STAC: variants seen among roughly 807,000 people sequenced by gnomAD.
STAC encodes SH3 and cysteine rich domain.
In STAC, 43 loss-of-function variants were observed where a neutral mutation model predicts 48.8. The observed-to-expected ratio is 0.88, with a 90% CI of 0.69 to 1.14. The LOEUF is 1.14. Ranked by LOEUF, STAC falls within the 50% of genes most tolerant of loss-of-function variation. The pLI is 0.00. For synonymous variants in STAC, 193 were observed against 179.5 expected, an observed-to-expected ratio of 1.07 and a Z score of -0.60; for missense variants, 497 against 504.0, an observed-to-expected ratio of 0.99 and a Z score of 0.13.
chr3:36,541,551 A>G (rs924603853), intron 10 of STAC, among the ~76,000 whole-genome samples: 1 of 152,202 alleles, frequency 6.6e-6, no homozygotes, highest in African/African-American at 2.4e-5. Context: ...GAGGACATGG[A>G]TGTGTGATCA....
chr3:36,443,989 T>G lies in STAC; in HGVS notation c.388+349T>G, dbSNP rs919988187. ...TATGGGCAACAAGTGAGACCTGGAA[T>G]GCTTGTTGCTTCCCCAAAAAAAAGC... On this transcript the variant is annotated intron_variant, in intron 2 of 10. Coordinates refer to ENST00000273183, the MANE Select transcript of STAC (RefSeq NM_003149.3). This position sits in a 1 kb window ranked among gnomAD's most constrained non-coding sequence, Gnocchi z 4.2. Among the ~76,000 whole-genome samples the G allele has an allele frequency of 1.3e-5, 2 of 152,174 alleles. No individual in the cohort carries two copies. The highest frequency in any genetic ancestry group is 6.5e-5 in the Admixed American group (1 of 15,278).
chr3:36,424,323 A>G (rs959356474), intron 1 of STAC, among the ~76,000 whole-genome samples: 1 of 152,046 alleles, frequency 6.6e-6, no homozygotes, highest in African/African-American at 2.4e-5. Flanking sequence ...TTTAGAGTCC[A>G]GCCATGTAAA....
At chr3:36,463,644 C>T (rs1697082001) in intron 2 of STAC, among the ~76,000 whole-genome samples, 1 of 148,562 alleles carries the variant, frequency 6.7e-6, no homozygotes, top group South Asian at 2.2e-4. Context: ...AGGTATATCT[C>T]CAAATGCTAT....
At chr3:36,523,688 CT>C (rs1388940624) in intron 8 of STAC, among the ~76,000 whole-genome samples, 1 of 152,174 alleles carries the variant, frequency 6.6e-6, no homozygotes, top group Non-Finnish European at 1.5e-5. Context: ...TGGAAAGGGC[CT>C]GACAGCCACA....
intron 8 of STAC, among the ~76,000 whole-genome samples, chr3:36,521,053 C>T (rs74505555): frequency 0.1 from 15,801 of 151,982 alleles, 1,055 homozygotes; most frequent in Non-Finnish European, 0.15. Flanking sequence ...GGAAATAAGT[C>T]TGGTGAAAAA....
At chr3:36,434,422 A>G (rs892351193) in intron 1 of STAC, among the ~76,000 whole-genome samples, 13 of 152,366 alleles carry the variant, frequency 8.5e-5, no homozygotes, top group African/African-American at 3.1e-4. Flanking sequence ...TCAAAGATGT[A>G]GACCACATGT....
intron 2 of STAC, among the ~76,000 whole-genome samples, chr3:36,481,219 A>G (rs1697637517): frequency 6.6e-6 from 1 of 152,206 alleles, no homozygotes; most frequent in African/African-American, 2.4e-5. Context: ...TGGCTAAAGC[A>G]TGGAGGGATT....
At chr3:36,513,258 G>A (rs1342725803) in intron 8 of STAC, among the ~76,000 whole-genome samples, 1 of 152,124 alleles carries the variant, frequency 6.6e-6, no homozygotes, top group Non-Finnish European at 1.5e-5. Flanking sequence ...GCCTACCCCA[G>A]CAATGTACAG....
At chr3:36,498,526 G>A (rs1383848042) in intron 6 of STAC, among the ~76,000 whole-genome samples, 3 of 152,182 alleles carry the variant, frequency 2.0e-5, no homozygotes, top group Admixed American at 2.0e-4. Flanking sequence ...GGCCGAGATA[G>A]GAGAATTGCT....
intron 2 of STAC, among the ~76,000 whole-genome samples, chr3:36,447,067 G>A (rs557797488): frequency 6.6e-6 from 1 of 152,272 alleles, no homozygotes; most frequent in Admixed American, 6.5e-5. Context: ...GGAGAGGCAG[G>A]CTAAGTAGCT....
intron 8 of STAC, among the ~76,000 whole-genome samples, chr3:36,514,741 A>C (rs1384324874): frequency 6.6e-6 from 1 of 152,158 alleles, no homozygotes; most frequent in African/African-American, 2.4e-5. Context: ...TGATAATATA[A>C]TGGAAACTGT....
chr3:36,496,521 T>G (rs1698157291), intron 6 of STAC, among the ~76,000 whole-genome samples: 1 of 152,240 alleles, frequency 6.6e-6, no homozygotes, highest in South Asian at 2.1e-4. Context: ...GTCAAATTCC[T>G]TGAGGAATAT....
At chr3:36,420,603 AGAATC>A (rs1320518345) in intron 1 of STAC, among the ~76,000 whole-genome samples, 2 of 152,224 alleles carry the variant, frequency 1.3e-5, no homozygotes, top group African/African-American at 4.8e-5. Context: ...ACTCCTTATG[AGAATC>A]TAATACCTGA....
At chr3:36,471,861 G>A (rs549773065) in intron 2 of STAC, among the ~76,000 whole-genome samples, 2 of 152,262 alleles carry the variant, frequency 1.3e-5, no homozygotes, top group African/African-American at 4.8e-5. Context: ...TACTTTTCCA[G>A]GCACACGGTG....
intron 1 of STAC, among the ~76,000 whole-genome samples, chr3:36,424,658 T>C (rs931147828): frequency 2.6e-5 from 4 of 152,060 alleles, no homozygotes; most frequent in African/African-American, 7.2e-5. Context: ...AAATACAAGA[T>C]AAGCCTGGAA....
chr3:36,476,257 G>A lies in STAC; in HGVS notation c.389-6735G>A, dbSNP rs1486957019. On this transcript the variant is annotated intron_variant, in intron 2 of 10. Transcript: ENST00000273183. ...ATTTCATGTCAAGTCCCACATAATAGAAGAGGAGATGTCCTGTTGTAATAG... is the reference window on the plus strand; with the variant it reads ...ATTTCATGTCAAGTCCCACATAATAAAAGAGGAGATGTCCTGTTGTAATAG... Among the ~76,000 whole-genome samples, 4 of 152,312 alleles carry A rather than the reference G, an allele frequency of 2.6e-5. No homozygotes were observed. In the East Asian group the frequency reaches 7.7e-4, roughly 29 times the overall value.
chr3:36,432,957 C>T (rs1361752609), intron 1 of STAC, among the ~76,000 whole-genome samples: 1 of 152,178 alleles, frequency 6.6e-6, no homozygotes, highest in Admixed American at 6.5e-5. Flanking sequence ...AGTACAATAA[C>T]TACTTGGTAG....
chr3:36,470,895 T>G (rs557530985), intron 2 of STAC, among the ~76,000 whole-genome samples: 4 of 152,204 alleles, frequency 2.6e-5, no homozygotes, highest in Non-Finnish European at 5.9e-5. Context: ...GTGCAAAAAT[T>G]TTCACGTTAC....
chr3:36,387,062 G>T (rs1269396182), intron 1 of STAC, among the ~76,000 whole-genome samples: 1 of 152,012 alleles, frequency 6.6e-6, no homozygotes, highest in African/African-American at 2.4e-5. Flanking sequence ...TTTTCAGTTT[G>T]GGGTTTACCA....
Sources: gnomAD v4.1 joint callset for allele counts (sites outside exome capture counted in the v4.1 genomes callset) on GRCh38, gnomAD v4.1.1 for gene constraint, Gnocchi (gnomAD v3.1) non-coding constraint, MANE v1.5 for transcripts, NCBI Gene and HGNC (gene_info 2026-07-23, HGNC 2026-07-21) for gene names.